Variants in TEX10 observed in about 807,000 individuals in gnomAD.
TEX10 encodes testis-expressed protein 10.
Under a neutral mutation model 104.4 loss-of-function variants are expected in TEX10, and 24 were observed. The ratio of observed to expected loss-of-function variants is 0.23; its 90% CI spans 0.17 to 0.32. The LOEUF (loss-of-function observed/expected upper bound fraction) is 0.32. TEX10 is among the 10% of genes least tolerant of loss of function. The probability of loss-of-function intolerance (pLI) is 1.00; values close to 1 mark genes in which losing one functional copy is unlikely to be tolerated. For missense variants in TEX10, 921 were observed against 1,083.9 expected, an observed-to-expected ratio of 0.85 and a Z score of 2.11; for synonymous variants, 396 against 393.4, an observed-to-expected ratio of 1.01 and a Z score of -0.08.
At chr9:100,306,710 T>C (rs938480668) in intron 13 of TEX10, 2 of 152,196 alleles carry the variant, frequency 1.3e-5, no homozygotes, top group Non-Finnish European at 2.9e-5. Flanking sequence ...AGACTTCGGC[T>C]GCCAACTGTG....
intron 4 of TEX10, 21 bp downstream of exon 4, chr9:100,346,051 T>C (rs984164030): frequency 6.3e-7 from 1 of 1,586,200 alleles, no homozygotes; most frequent in Non-Finnish European, 8.6e-7. Context: ...ACTAAGAAAA[T>C]AAAGAACCAT....
chr9:100,335,295 A>G (rs1291652526), intron 5 of TEX10, among the ~76,000 whole-genome samples: 1 of 152,080 alleles, frequency 6.6e-6, no homozygotes, highest in East Asian at 1.9e-4. Flanking sequence ...CTTCATCTTC[A>G]GGGATCAAGC....
At chr9:100,342,611 G>C (rs1398367456) in intron 4 of TEX10, among the ~76,000 whole-genome samples, 1 of 152,056 alleles carries the variant, frequency 6.6e-6, no homozygotes, top group South Asian at 2.1e-4. Flanking sequence ...ATAAAGCTTT[G>C]AATAAATGCC....
intron 9 of TEX10, among the ~76,000 whole-genome samples, chr9:100,323,107 A>T (rs1300133353): frequency 6.6e-6 from 1 of 152,202 alleles, no homozygotes; most frequent in African/African-American, 2.4e-5. Flanking sequence ...TCTTGACCTC[A>T]ATGAAAACAG....
chr9:100,322,199 C>G (rs927098739), intron 9 of TEX10, among the ~76,000 whole-genome samples: 1 of 152,146 alleles, frequency 6.6e-6, no homozygotes, highest in Non-Finnish European at 1.5e-5. Flanking sequence ...GCAAAAGTAT[C>G]TTAATTAGGC....
intron 1 of TEX10, chr9:100,352,284 G>A (rs1835473241): frequency 7.0e-7 from 1 of 1,437,412 alleles, no homozygotes; most frequent in Non-Finnish European, 9.6e-7. Context: ...CCCAGGCAGG[G>A]GCGACCCCAG....
chr9:100,327,462 T>A (rs760407437), intron 8 of TEX10, among the ~76,000 whole-genome samples: 1 of 151,502 alleles, frequency 6.6e-6, no homozygotes, highest in Non-Finnish European at 1.5e-5. Context: ...ATATTCACTA[T>A]GATTAAATAA....
chr9:100,340,488 G>T, intron 4 of TEX10, 119 bp from the exon 5 acceptor site: 1 of 568,780 alleles, frequency 1.8e-6, no homozygotes, highest in Non-Finnish European at 3.0e-6. Flanking sequence ...CTTTCTACCA[G>T]TAATATAATA....
At chr9:100,302,936 C>T (rs57609514) in intron 14 of TEX10, among the ~76,000 whole-genome samples, 2 of 149,868 alleles carry the variant, frequency 1.3e-5, no homozygotes, top group East Asian at 2.0e-4. Context: ...CCGCCCCCCC[C>T]CCAAACTAAA....
intron 2 of TEX10, 50 bp downstream of exon 2, chr9:100,349,134 C>G (rs972907537): frequency 6.9e-7 from 1 of 1,447,232 alleles, no homozygotes; most frequent in Non-Finnish European, 9.2e-7. Context: ...TAACATTCTA[C>G]ACGATTCCAA....
intron 9 of TEX10, among the ~76,000 whole-genome samples, chr9:100,324,468 G>A (rs1588173760): frequency 6.6e-6 from 1 of 152,102 alleles, no homozygotes; most frequent in Non-Finnish European, 1.5e-5. Context: ...ATAGAGAGAA[G>A]TCTACTAATG....
intron 5 of TEX10, among the ~76,000 whole-genome samples, chr9:100,338,633 G>A (rs1162304292): frequency 2.0e-5 from 3 of 152,194 alleles, no homozygotes; most frequent in African/African-American, 7.2e-5. Context: ...GCTCACACCT[G>A]TAATCCCAGC....
chr9:100,345,318 C>T (rs1225133373), intron 4 of TEX10, among the ~76,000 whole-genome samples: 3 of 152,066 alleles, frequency 2.0e-5, no homozygotes, highest in Non-Finnish European at 2.9e-5. Context: ...TAATTTATCC[C>T]GTCTTATGCA....
intron 8 of TEX10, among the ~76,000 whole-genome samples, chr9:100,326,972 T>A (rs1414230710): frequency 6.6e-6 from 1 of 152,174 alleles, no homozygotes; most frequent in Non-Finnish European, 1.5e-5. Context: ...ACCAGTGACA[T>A]ATCCATACAA....
chr9:100,334,202 C>T (rs909402514), intron 5 of TEX10, among the ~76,000 whole-genome samples: 47 of 151,896 alleles, frequency 3.1e-4, no homozygotes, highest in African/African-American at 1.1e-3. Context: ...GAAAATCACA[C>T]CTGGATACAT....
chr9:100,332,859 G>A (rs10819761), intron 5 of TEX10, among the ~76,000 whole-genome samples: 5 of 151,506 alleles, frequency 3.3e-5, no homozygotes, highest in African/African-American at 1.2e-4. Flanking sequence ...AGAAGTGCAA[G>A]ATTCCAGCAC....
chr9:100,333,469 T>G (rs530839114), intron 5 of TEX10, among the ~76,000 whole-genome samples: 1 of 151,634 alleles, frequency 6.6e-6, no homozygotes, highest in Non-Finnish European at 1.5e-5. Context: ...GATTCTGAAG[T>G]CTATATGGAA....
At position 100,316,649 on chromosome 9, in the gene TEX10, T is replaced by C. The variant is rs187348937; in HGVS notation, c.2202+3616A>G. On this transcript the variant is annotated intron_variant, in intron 11 of 14. Transcript: ENST00000374902. ...TGGAGTCTCGCTCTGTTGCCCCAAC[T>C]GGAGTGCAGTGGCACAGTCATAGTT... Among the ~76,000 whole-genome samples, 537 of 152,202 alleles carry C rather than the reference T, an allele frequency of 3.5e-3. 1 individual carries two copies. The highest frequency in any genetic ancestry group is 0.012 in the African/African-American group (509 of 41,550).
intron 13 of TEX10, 98 bp downstream of exon 13, chr9:100,308,401 AT>A (rs1484546337): frequency 1.1e-6 from 1 of 952,260 alleles, no homozygotes; most frequent in African/African-American, 1.7e-5. Flanking sequence ...AATTTAAGGT[AT>A]CTGTATAACC....
Sources: allele counts gnomAD v4.1 joint callset (sites outside exome capture counted in the v4.1 genomes callset), GRCh38; gene constraint gnomAD v4.1.1; transcripts MANE v1.5; gene names NCBI Gene and HGNC (gene_info 2026-07-23, HGNC 2026-07-21).